JUP: variants seen among roughly 807,000 people sequenced by gnomAD.
JUP encodes the protein junction plakoglobin, also known as catenin (cadherin-associated protein), gamma 80kDa.
In JUP, 28 loss-of-function variants were observed where a neutral mutation model predicts 71.1. The observed-to-expected ratio is 0.39, with a 90% CI of 0.29 to 0.54. The LOEUF is 0.54. Among genes scored for constraint, JUP ranks in the 20% least tolerant of loss-of-function variants. The probability of loss-of-function intolerance (pLI) is 0.62; values close to 1 mark genes in which losing one functional copy is unlikely to be tolerated. For synonymous variants in JUP, 401 were observed against 438.9 expected, an observed-to-expected ratio of 0.91 and a Z score of 1.08; for missense variants, 869 against 1,030.1, an observed-to-expected ratio of 0.84 and a Z score of 2.14.
rs148713072 is a variant in JUP at position 41,782,866 on chromosome 17, C to A, written c.-9+3722G>T. Among the ~76,000 whole-genome samples, 1,024 of 152,110 alleles carry A rather than the reference C, an allele frequency of 6.7e-3. 18 individuals are homozygous for A. The highest frequency in any genetic ancestry group is 0.024 in the African/African-American group (976 of 41,492). On this transcript the variant is annotated intron_variant, in intron 1 of 13. Transcript: ENST00000393931. The stretch of plus-strand genomic sequence containing the variant: ...ATCCCAGCACTTTGGGAGGCTGAGG[C>A]GGGCGGATCTCCTGAAGGTCAGGAG...
intron 1 of JUP, among the ~76,000 whole-genome samples, chr17:41,785,419 G>T (rs1342315730): frequency 6.6e-6 from 1 of 152,142 alleles, no homozygotes; most frequent in Non-Finnish European, 1.5e-5. Context: ...AGGAAGAGAA[G>T]GAAGAAGCTG....
chr17:41,757,268 TC>T (rs1913975351), intron 12 of JUP, 146 bp downstream of exon 12: 5 of 955,084 alleles, frequency 5.2e-6, no homozygotes, highest in Non-Finnish European at 8.3e-6. Context: ...ACCCACTACT[TC>T]CATCTGCTAG....
rs537912736 is a variant in JUP, at chr17:41,764,298, G to C, written c.1158+415C>G. ...GCCTGTAATCCCAGCACTTTGGGAGGCCAAGGCGGGTGGATCACCTGAGGT... is the reference window on the plus strand; with the variant it reads ...GCCTGTAATCCCAGCACTTTGGGAGCCCAAGGCGGGTGGATCACCTGAGGT... On this transcript the variant is annotated intron_variant, in intron 7 of 13. Coordinates refer to ENST00000393931, the MANE Select transcript of JUP (RefSeq NM_002230.4). Among the ~76,000 whole-genome samples, 11 of 152,328 alleles carry C rather than the reference G, an allele frequency of 7.2e-5. No homozygotes were observed. In the South Asian group the frequency reaches 2.1e-3, roughly 29 times the overall value.
intron 1 of JUP, among the ~76,000 whole-genome samples, chr17:41,782,065 G>T (rs989447156): frequency 2.6e-5 from 4 of 152,198 alleles, no homozygotes; most frequent in Non-Finnish European, 5.9e-5. Context: ...CAGAAGCGCG[G>T]TAGTGACAGG....
chr17:41,764,873 C>T (rs782322289), intron 6 of JUP, 50 bp downstream of exon 6: 99 of 1,613,622 alleles, frequency 6.1e-5, no homozygotes, highest in Admixed American at 1.7e-4. Context: ...CTGAGCCTGG[C>T]AGCTGGGCAG....
In JUP at chr17:41,755,900, G is replaced by A. The variant is rs886052917; in HGVS notation, c.2087-5C>T. On this transcript the variant is annotated splice_polypyrimidine_tract_variant and splice_region_variant and intron_variant, in intron 13 of 13. Transcript: ENST00000393931. ...GGCGGTAGGTGGCATCCATGTCTGGGGACAAAAAGTGGGGCTCGGTCCTAG... is the reference window on the plus strand; with the variant it reads ...GGCGGTAGGTGGCATCCATGTCTGGAGACAAAAAGTGGGGCTCGGTCCTAG... The A allele has an allele frequency of 3.1e-6, 5 of 1,602,822 alleles. No individual in the cohort carries two copies. The highest frequency in any genetic ancestry group is 4.3e-6 in the Non-Finnish European group (5 of 1,173,214).
chr17:41,782,856 G>A (rs2047233660), intron 1 of JUP, among the ~76,000 whole-genome samples: 1 of 152,094 alleles, frequency 6.6e-6, no homozygotes, highest in Non-Finnish European at 1.5e-5. Context: ...AGCACTTTGG[G>A]AGGCTGAGGC....
chr17:41,774,731 G>A (rs1917180451), intron 1 of JUP, among the ~76,000 whole-genome samples: 1 of 152,210 alleles, frequency 6.6e-6, no homozygotes, highest in Admixed American at 6.5e-5. Context: ...ACAAGCCTGG[G>A]TGGAGCTGAG....
At chr17:41,766,121 A>G (rs1197651020) in intron 5 of JUP, among the ~76,000 whole-genome samples, 1 of 152,064 alleles carries the variant, frequency 6.6e-6, no homozygotes, top group African/African-American at 2.4e-5. Flanking sequence ...GCTCAGTAGT[A>G]TGTTCTCATA....
intron 8 of JUP, among the ~76,000 whole-genome samples, chr17:41,762,195 G>GTA (rs1555601654): frequency 6.7e-6 from 1 of 150,140 alleles, no homozygotes; most frequent in African/African-American, 2.4e-5. Flanking sequence ...GTGTGTGTGT[G>GTA]TGTGTGTGTG....
At chr17:41,783,285 GTTTTTTTTGT>G (rs1328511205) in intron 1 of JUP, among the ~76,000 whole-genome samples, 1 of 85,178 alleles carries the variant, frequency 1.2e-5, no homozygotes, top group Non-Finnish European at 2.3e-5. Flanking sequence ...AATGATACGC[GTTTTTTTTGT>G]TTTTTTTTTT....
chr17:41,784,677 C>T (rs2047360129), intron 1 of JUP, among the ~76,000 whole-genome samples: 1 of 152,136 alleles, frequency 6.6e-6, no homozygotes, highest in Non-Finnish European at 1.5e-5. Flanking sequence ...TGACTTCCCC[C>T]TAGCACAGGG....
At chr17:41,766,533 C>T (rs1476389279) in intron 5 of JUP, among the ~76,000 whole-genome samples, 3 of 151,952 alleles carry the variant, frequency 2.0e-5, no homozygotes, top group African/African-American at 4.8e-5. Context: ...CCAGCCTGGG[C>T]AACATGGAGA....
At chr17:41,771,491 C>T (rs1462486156) in intron 2 of JUP, 156 bp downstream of exon 2, 1 of 668,520 alleles carries the variant, frequency 1.5e-6, no homozygotes, top group Admixed American at 2.4e-5. Flanking sequence ...AGTAGCTGCA[C>T]CTCCTCCTTC....
At chr17:41,768,561 CAA>C (rs879956266) in intron 4 of JUP, among the ~76,000 whole-genome samples, 1 of 131,572 alleles carries the variant, frequency 7.6e-6, no homozygotes, top group Non-Finnish European at 1.7e-5. Flanking sequence ...GGCCTCATCT[CAA>C]AAAAAAAAAA....
At chr17:41,775,896 G>T in intron 1 of JUP, 1 of 852,812 alleles carries the variant, frequency 1.2e-6, no homozygotes, top group Non-Finnish European at 1.4e-6. Flanking sequence ...AACCCAGAGG[G>T]CTGGCACCGG....
intron 2 of JUP, among the ~76,000 whole-genome samples, chr17:41,771,198 A>G (rs1452905648): frequency 6.6e-6 from 1 of 151,994 alleles, no homozygotes; most frequent in Non-Finnish European, 1.5e-5. Context: ...CACCCGGCTA[A>G]TTTTTGTATT....
intron 1 of JUP, among the ~76,000 whole-genome samples, chr17:41,773,230 T>C (rs1916931180): frequency 6.6e-6 from 1 of 152,076 alleles, no homozygotes; most frequent in African/African-American, 2.4e-5. Flanking sequence ...GAGGGTGGGG[T>C]GGCTGGGGCA....
In JUP at chr17:41,758,699, C is replaced by T. The variant is rs1273996357; in HGVS notation, c.1653+16G>A. On this transcript the variant is annotated intron_variant, in intron 9 of 13. Coordinates refer to ENST00000393931, the MANE Select transcript of JUP (RefSeq NM_002230.4). ...CCCCCCAGGAAGGCTGTCAGAGGCA[C>T]CACCAGCTCACATACCGTGTAGGGC... 1 of 1,598,172 alleles carries T rather than the reference C, an allele frequency of 6.3e-7. No homozygotes were observed. Among genetic ancestry groups the T allele is most frequent in the Non-Finnish European group, 8.5e-7 (1 of 1,173,008 alleles).
Sources: gnomAD v4.1 joint callset for allele counts (sites outside exome capture counted in the v4.1 genomes callset) on GRCh38, gnomAD v4.1.1 for gene constraint, MANE v1.5 for transcripts, NCBI Gene and HGNC (gene_info 2026-07-23, HGNC 2026-07-21) for gene names.